NTNG2: variants seen among roughly 807,000 people sequenced by gnomAD.
NTNG2 encodes the protein netrin G2.
A neutral mutation model predicts 47.6 loss-of-function variants in NTNG2; 15 were observed. That is an observed-to-expected ratio of 0.32 (90% confidence interval 0.21 to 0.49). The LOEUF (loss-of-function observed/expected upper bound fraction) is 0.49, where lower values mean the gene tolerates loss of function less well. Among genes scored for constraint, NTNG2 ranks in the 20% least tolerant of loss-of-function variants. NTNG2 has a pLI of 0.99. For synonymous variants in NTNG2, 307 were observed against 324.6 expected, an observed-to-expected ratio of 0.95 and a Z score of 0.58; for missense variants, 578 against 764.6, an observed-to-expected ratio of 0.76 and a Z score of 2.88.
Position 132,215,510 on chromosome 9 carries a change from G to T in NTNG2, c.858-11339G>T, listed in dbSNP as rs1360705822. 6.6e-6 allele frequency among the ~76,000 whole-genome samples: 1 copy of T among 152,138 alleles called. No homozygotes were observed. Among genetic ancestry groups the T allele is most frequent in the Admixed American group, 6.5e-5 (1 of 15,276 alleles). On this transcript the variant is annotated intron_variant, in intron 3 of 7. Transcript: ENST00000393229. The surrounding 1 kb of genome is among the most constrained non-coding windows in gnomAD (Gnocchi z 4.2). Reference sequence around the variant, plus strand: ...CAGGATAATTGCTTGAACCCAGGAGGTGGAGGTTGAAGTGAGCCAAGATCG... The same window carrying T: ...CAGGATAATTGCTTGAACCCAGGAGTTGGAGGTTGAAGTGAGCCAAGATCG...
rs543434166 is a variant in NTNG2 at position 132,180,156 on chromosome 9, G to A, written c.213+13112G>A. ...TTCCCTCCTGCTGCCCAAGTCATTCGTCCACTTGACTCCAAGAGTCGGCTG... is the reference window on the plus strand; with the variant it reads ...TTCCCTCCTGCTGCCCAAGTCATTCATCCACTTGACTCCAAGAGTCGGCTG... On this transcript the variant is annotated intron_variant, in intron 2 of 7. Transcript: ENST00000393229. The surrounding 1 kb of genome is among the most constrained non-coding windows in gnomAD (Gnocchi z 4.2). Among the ~76,000 whole-genome samples the A allele has an allele frequency of 7.2e-5, 11 of 152,280 alleles. No homozygotes were observed. Among genetic ancestry groups the A allele is most frequent in the African/African-American group, 1.7e-4 (7 of 41,550 alleles).
intron 3 of NTNG2, among the ~76,000 whole-genome samples, chr9:132,216,414 C>CTCTCTCTCTCTCTGTGTG (rs1554790515): frequency 7.3e-5 from 8 of 110,284 alleles, no homozygotes; most frequent in African/African-American, 3.9e-4. Context: ...CTCTCTCTCT[C>CTCTCTCTCTCTCTGTGTG]TGTGTGTGTG....
Position 132,162,569 on chromosome 9 carries a change from A to AGTGTGTGTGTGT in NTNG2, c.-484+367_-484+378dup, listed in dbSNP as rs769570116. 3.8e-3 allele frequency among the ~76,000 whole-genome samples: 425 copies of AGTGTGTGTGTGT among 112,446 alleles called. 7 individuals carry two copies. The highest frequency in any genetic ancestry group is 9.2e-3 in the East Asian group (36 of 3,892). 73.8% of individuals were successfully genotyped at this position (112,446 alleles called of 152,430 possible). ...GTGTGTGTGTGTGAGAGAGAGACAGAGTGTGTGTGTGTGTGTGTGTGTGTG... is the reference window on the plus strand; with the variant it reads ...GTGTGTGTGTGTGAGAGAGAGACAGAGTGTGTGTGTGTGTGTGTGTGTGTGTGTGTGTGTGTG... On this transcript the variant is annotated intron_variant, in intron 1 of 7. Transcript: ENST00000393229. This position sits in a 1 kb window ranked among gnomAD's most constrained non-coding sequence, Gnocchi z 4.6.
In NTNG2 at chr9:132,242,981, C is replaced by G. The variant is rs1288592325; in HGVS notation, c.*870C>G. On this transcript the variant is annotated 3_prime_UTR_variant, in exon 8 of 8. Coordinates refer to ENST00000393229, the MANE Select transcript of NTNG2 (RefSeq NM_032536.4). This position sits in a 1 kb window ranked among gnomAD's most constrained non-coding sequence, Gnocchi z 5.9. ...CTGTGGATTCCAGCAGGCAGTGCCCCCTCCCCGCAGGCTTGGCTGGCAGAG... is the reference window on the plus strand; with the variant it reads ...CTGTGGATTCCAGCAGGCAGTGCCCGCTCCCCGCAGGCTTGGCTGGCAGAG... The G allele has an allele frequency of 6.6e-6, 1 of 152,286 alleles. No individual in the cohort carries two copies. Among genetic ancestry groups the G allele is most frequent in the Non-Finnish European group, 1.5e-5 (1 of 68,092 alleles). The allele number at this position is 152,286 out of a possible 1,614,324, so 9.4% of individuals were successfully genotyped here.
intron 3 of NTNG2, among the ~76,000 whole-genome samples, 192 bp downstream of exon 3, chr9:132,198,801 G>C (rs7021418): frequency 0.11 from 16,606 of 151,964 alleles, 2,720 homozygotes; most frequent in African/African-American, 0.36. Flanking sequence ...TACCTGGTAT[G>C]TGATACATCG....
chr9:132,168,365 T>C (rs1835649619), intron 2 of NTNG2, among the ~76,000 whole-genome samples: 1 of 152,034 alleles, frequency 6.6e-6, no homozygotes, highest in Non-Finnish European at 1.5e-5. Flanking sequence ...AGCCTCCAGG[T>C]CTCTGGGTTT....
chr9:132,225,800 T>C (rs1379137612), intron 3 of NTNG2, among the ~76,000 whole-genome samples: 1 of 152,192 alleles, frequency 6.6e-6, no homozygotes, highest in African/African-American at 2.4e-5. Context: ...TTGCTCTAGG[T>C]CCATCCTTTT....
intron 2 of NTNG2, among the ~76,000 whole-genome samples, chr9:132,174,736 A>G (rs1221515182): frequency 2.0e-5 from 3 of 152,190 alleles, no homozygotes; most frequent in South Asian, 4.1e-4. Flanking sequence ...AGCCTGGCCA[A>G]CATGGGGAAA....
In NTNG2 at chr9:132,241,005, G is replaced by T. The variant is rs1217697125; in HGVS notation, c.1318G>T (p.Asp440Tyr). 2 of 1,609,250 alleles carry T rather than the reference G, an allele frequency of 1.2e-6. No homozygotes were observed. Among genetic ancestry groups the T allele is most frequent in the Non-Finnish European group, 1.7e-6 (2 of 1,179,334 alleles). The stretch of plus-strand genomic sequence containing the variant: ...GGGCGCGGCGGGCCCCAAGTGCGAC[G>T]ACTGCCTCCCCACGCACTACTGGCG... ...REGAAGPKCD[D>Y]CLPTHYWRQG... Residue 440 changes from aspartate (D) to tyrosine (Y), a missense_variant, in exon 7 of 8, where the codon GAC (aspartate) becomes TAC (tyrosine). Coordinates refer to ENST00000393229, the MANE Select transcript of NTNG2 (RefSeq NM_032536.4).
chr9:132,206,783 CT>C (rs1839201398), intron 3 of NTNG2, among the ~76,000 whole-genome samples: 1 of 152,280 alleles, frequency 6.6e-6, no homozygotes, highest in African/African-American at 2.4e-5. Flanking sequence ...CCCAGGCCCC[CT>C]GAGCTACTGC....
intron 2 of NTNG2, among the ~76,000 whole-genome samples, chr9:132,195,606 C>T (rs1564405467): frequency 6.7e-6 from 1 of 150,082 alleles, no homozygotes; most frequent in Non-Finnish European, 1.5e-5. Context: ...GGATTACAGG[C>T]GTGAGCCACC....
rs1317711508 is a variant in NTNG2, at chr9:132,215,419, A to G, written c.858-11430A>G. Among the ~76,000 whole-genome samples, 1 of 152,048 alleles carries G rather than the reference A, an allele frequency of 6.6e-6. No homozygotes were observed. Among genetic ancestry groups the G allele is most frequent in the Non-Finnish European group, 1.5e-5 (1 of 68,022 alleles). On this transcript the variant is annotated intron_variant, in intron 3 of 7. Transcript: ENST00000393229. The surrounding 1 kb of genome is among the most constrained non-coding windows in gnomAD (Gnocchi z 4.2). ...AACGTGGTGAAACCCCATCTCTACT[A>G]AAATACTAAAATTAGCCGGGTGTGG...
chr9:132,230,496 TG>T, intron 4 of NTNG2, 75 bp from the exon 5 acceptor site: 1 of 1,407,578 alleles, frequency 7.1e-7, no homozygotes, highest in Non-Finnish European at 9.9e-7. Flanking sequence ...CCTGCCCTGC[TG>T]GCCCCTCTGC....
intron 3 of NTNG2, among the ~76,000 whole-genome samples, chr9:132,223,782 TGTCTCCCAGACAAACCA>T (rs1376382328): frequency 6.6e-6 from 1 of 152,242 alleles, no homozygotes; most frequent in African/African-American, 2.4e-5. Context: ...CCCAGGCTTT[TGTCTCCCAGACAAACCA>T]GTCTCCATGA....
chr9:132,214,236 C>T (rs968295120), intron 3 of NTNG2, among the ~76,000 whole-genome samples: 5 of 152,248 alleles, frequency 3.3e-5, no homozygotes, highest in East Asian at 3.8e-4. Flanking sequence ...CCAAACCCCC[C>T]GCTCCTCTCT....
Position 132,163,423 on chromosome 9 carries a change from G to T in NTNG2, c.-484+1184G>T, listed in dbSNP as rs2131240462. 6.6e-6 allele frequency among the ~76,000 whole-genome samples: 1 copy of T among 151,832 alleles called. No homozygotes were observed. The highest frequency in any genetic ancestry group is 2.0e-4 in the East Asian group (1 of 5,106). On this transcript the variant is annotated intron_variant, in intron 1 of 7. Coordinates refer to ENST00000393229, the MANE Select transcript of NTNG2 (RefSeq NM_032536.4). The surrounding 1 kb of genome is among the most constrained non-coding windows in gnomAD (Gnocchi z 7.2). Reference sequence around the variant, plus strand: ...CCGCTCCGGAGCGGGGGGACACCCGGGCCGCCGGAATTAAGAGGCCCGCCG... The same window carrying T: ...CCGCTCCGGAGCGGGGGGACACCCGTGCCGCCGGAATTAAGAGGCCCGCCG...
chr9:132,179,666 A>G (rs941011020), intron 2 of NTNG2, among the ~76,000 whole-genome samples: 1 of 152,230 alleles, frequency 6.6e-6, no homozygotes, highest in Non-Finnish European at 1.5e-5. Context: ...GACGCTGTGC[A>G]AAGCACCCCA....
At chr9:132,224,086 G>A (rs1840550459) in intron 3 of NTNG2, among the ~76,000 whole-genome samples, 1 of 151,872 alleles carries the variant, frequency 6.6e-6, no homozygotes, top group African/African-American at 2.4e-5. Context: ...CTCCCGTGAT[G>A]CCTTCTTCTT....
At chr9:132,195,970 T>C (rs946663307) in intron 2 of NTNG2, among the ~76,000 whole-genome samples, 2 of 152,022 alleles carry the variant, frequency 1.3e-5, no homozygotes, top group Non-Finnish European at 2.9e-5. Flanking sequence ...AGGGTCTCTC[T>C]GTGTTGCCTG....
Sources: gnomAD v4.1 joint callset for allele counts (sites outside exome capture counted in the v4.1 genomes callset) on GRCh38, gnomAD v4.1.1 for gene constraint, Gnocchi (gnomAD v3.1) non-coding constraint, MANE v1.5 for transcripts, NCBI Gene and HGNC (gene_info 2026-07-23, HGNC 2026-07-21) for gene names.